BCOR: variants seen among roughly 807,000 people sequenced by gnomAD.
BCOR encodes BCL6 corepressor, also known as BCL-6 corepressor.
Under a neutral mutation model 86.7 loss-of-function variants are expected in BCOR, and 10 were observed. That is an observed-to-expected ratio of 0.12 (90% CI 0.07 to 0.20). The LOEUF (loss-of-function observed/expected upper bound fraction) is 0.20. Among genes scored for constraint, BCOR ranks in the 10% least tolerant of loss-of-function variants. The pLI is 1.00. For missense variants in BCOR, 1,259 were observed against 1,452.1 expected (o/e 0.87, Z 2.16); for synonymous variants, 611 against 609.0 (o/e 1.00, Z -0.05).
At chrX:40,085,658 C>T (rs1602184766) in intron 1 of BCOR, among the ~76,000 whole-genome samples, 1 of 111,822 alleles carries the variant, frequency 8.9e-6, no homozygotes, top group East Asian at 2.8e-4. Context: ...CACCCAGAGA[C>T]CAAAGTCAGC....
At chrX:40,128,277 G>T (rs895116376) in intron 1 of BCOR, among the ~76,000 whole-genome samples, 2 of 109,952 alleles carry the variant, frequency 1.8e-5, no homozygotes, top group African/African-American at 6.6e-5. Context: ...CAGGTGCAGC[G>T]GCTCACAGCT....
chrX:40,086,613 A>G (rs1936368892), intron 1 of BCOR, among the ~76,000 whole-genome samples: 1 of 113,609 alleles, frequency 8.8e-6, no homozygotes, highest in South Asian at 3.5e-4. Flanking sequence ...CTGGCCAGAA[A>G]CTGGCCGCCA....
At chrX:40,094,886 G>A (rs1396496769) in intron 1 of BCOR, among the ~76,000 whole-genome samples, 1 of 113,225 alleles carries the variant, frequency 8.8e-6, no homozygotes, top group African/African-American at 3.2e-5. Context: ...GGGCTGGAGA[G>A]AATCGCTAAT....
intron 1 of BCOR, among the ~76,000 whole-genome samples, chrX:40,133,895 T>G (rs1292964228): frequency 9.0e-6 from 1 of 111,201 alleles, no homozygotes; most frequent in Non-Finnish European, 1.9e-5. Context: ...GGCTCTGTGG[T>G]CCCTGTGCTC....
chrX:40,061,232 C>T (rs1218028064), intron 10 of BCOR, among the ~76,000 whole-genome samples: 2 of 112,023 alleles, frequency 1.8e-5, no homozygotes, highest in Non-Finnish European at 3.8e-5. Context: ...TCTCAACTGA[C>T]AAGTGTGTGG....
intron 1 of BCOR, among the ~76,000 whole-genome samples, chrX:40,092,004 G>A (rs1936639745): frequency 8.9e-6 from 1 of 112,763 alleles, no homozygotes; most frequent in African/African-American, 3.2e-5. Context: ...CGGCCCCCGG[G>A]GCACGAGTGT....
At chrX:40,120,289 T>C (rs1937464654) in intron 1 of BCOR, among the ~76,000 whole-genome samples, 1 of 111,356 alleles carries the variant, frequency 9.0e-6, no homozygotes, top group Non-Finnish European at 1.9e-5. Context: ...CCTTTCCCCA[T>C]TGTGGCCCAT....
At chrX:40,117,348 G>A (rs1602236478) in intron 1 of BCOR, among the ~76,000 whole-genome samples, 2 of 111,325 alleles carry the variant, frequency 1.8e-5, no homozygotes, top group Non-Finnish European at 1.9e-5. Flanking sequence ...TCCACCAATC[G>A]AGACCTAAGC....
intron 1 of BCOR, among the ~76,000 whole-genome samples, chrX:40,084,622 C>G (rs1242320091): frequency 1.8e-5 from 2 of 111,326 alleles, no homozygotes; most frequent in Non-Finnish European, 3.8e-5. Flanking sequence ...ATGTTCCACA[C>G]CATGCCTCCA....
chrX:40,105,479 C>T (rs372221998), intron 1 of BCOR, among the ~76,000 whole-genome samples: 83 of 112,304 alleles, frequency 7.4e-4, no homozygotes, highest in African/African-American at 2.6e-3. Context: ...CCGGGCCCTG[C>T]GGTATCCCGG....
At chrX:40,174,265 G>A (rs1226787081) in intron 1 of BCOR, among the ~76,000 whole-genome samples, 1 of 112,454 alleles carries the variant, frequency 8.9e-6, no homozygotes, top group Non-Finnish European at 1.9e-5. Flanking sequence ...CCCCGAGAAA[G>A]ACAAAGAACA....
At position 40,120,355 on chromosome X, in the gene BCOR, C is replaced by T. The variant is rs183784000; in HGVS notation, c.-40-42386G>A. On this transcript the variant is annotated intron_variant, in intron 1 of 14. Coordinates refer to the BCOR transcript ENST00000342274. ...CTTCCTCCCCTTAAAACTGCTTCTT[C>T]TCCCTGGTCCCCACCAACCACCTGG... 1.0e-3 allele frequency among the ~76,000 whole-genome samples: 112 copies of T among 111,687 alleles called. 1 individual carries two copies. The highest frequency in any genetic ancestry group is 7.8e-3 in the Admixed American group (82 of 10,546).
chrX:40,093,065 A>G (rs1243060458), intron 1 of BCOR, among the ~76,000 whole-genome samples: 1 of 112,445 alleles, frequency 8.9e-6, no homozygotes, highest in African/African-American at 3.2e-5. Flanking sequence ...GAACGCACTT[A>G]CAGAAATTCT....
chrX:40,174,543 G>A (rs1413189681), intron 1 of BCOR, among the ~76,000 whole-genome samples: 2 of 113,028 alleles, frequency 1.8e-5, no homozygotes, highest in Non-Finnish European at 1.9e-5. Flanking sequence ...CGCAGGAAAA[G>A]AAAAAGCCAA....
At chrX:40,084,065 A>G (rs1221121005) in intron 1 of BCOR, among the ~76,000 whole-genome samples, 1 of 111,990 alleles carries the variant, frequency 8.9e-6, no homozygotes, top group Non-Finnish European at 1.9e-5. Context: ...TTCCGATCAT[A>G]CTAGAGCGCT....
In BCOR at chrX:40,071,012, G is replaced by C. The variant is rs138675866; in HGVS notation, c.3199C>G (p.Leu1067Val). 1.7e-6 allele frequency: 2 copies of C among 1,211,440 alleles called. No homozygotes were observed. Among genetic ancestry groups the C allele is most frequent in the Non-Finnish European group, 1.1e-6 (1 of 895,450 alleles). The change falls in exon 6 of 15, where the codon CTG (leucine) becomes GTG (valine). Residue 1067 changes from leucine (L) to valine (V), a missense_variant. Leu to Val is a conservative substitution (Grantham distance 32). Transcript: ENST00000378444. The stretch of plus-strand genomic sequence containing the variant: ...TTCTGTTCTGCAATGGCCTCCTCCA[G>C]GGTGACCGACTTTGGCTTTTTGTCC... ...NQDKKPKSVT[L>V]EEAIAEQNES...
chrX:40,078,552 C>T (rs928143700), intron 1 of BCOR, among the ~76,000 whole-genome samples: 3 of 111,959 alleles, frequency 2.7e-5, no homozygotes, highest in Admixed American at 1.9e-4. Flanking sequence ...GAAAAAGAGT[C>T]GGTGGGCTGG....
rs756708186 is a variant in BCOR at position 40,074,739 on chromosome X, T to C, written c.607A>G (p.Ile203Val). 1.7e-6 allele frequency: 2 copies of C among 1,211,459 alleles called. No homozygotes were observed. The highest frequency in any genetic ancestry group is 2.2e-6 in the Non-Finnish European group (2 of 895,369). The change falls in exon 4 of 15, where the codon ATC (isoleucine) becomes GTC (valine). Residue 203 changes from isoleucine (I) to valine (V), a missense_variant. By Grantham distance (29) the Ile-to-Val change is conservative. This residue lies in a region of BCOR where 174 missense variants were observed against 189.3 expected (regional missense o/e 0.92). Transcript: ENST00000378444. ...NPYMEGATPA[I>V]YPFLDSPNKY... ...TTTGGCGAGTCGAGGAAAGGGTAGA[T>C]GGCTGGCGTGGCACCCTCCATGTAA...
At chrX:40,163,424 C>T (rs1341047914) in intron 1 of BCOR, among the ~76,000 whole-genome samples, 2 of 111,324 alleles carry the variant, frequency 1.8e-5, no homozygotes, top group East Asian at 2.8e-4. Flanking sequence ...TTACCCTGGC[C>T]TAATTTTAGC....
Sources: allele counts gnomAD v4.1 joint callset (sites outside exome capture counted in the v4.1 genomes callset), GRCh38; gene constraint gnomAD v4.1.1; regional missense constraint gnomAD v4.1.1; transcripts MANE v1.5; gene names NCBI Gene and HGNC (gene_info 2026-07-23, HGNC 2026-07-21).